Variants in CHURC1 observed in about 807,000 individuals in gnomAD.
The protein encoded by CHURC1 is protein Churchill.
Under a neutral mutation model 15.4 loss-of-function variants are expected in CHURC1, and 12 were observed. That is an observed-to-expected ratio of 0.78 (90% confidence interval 0.50 to 1.27). The LOEUF is 1.27. CHURC1 is among the 50% of genes most tolerant of loss of function. The pLI is 0.00. For synonymous variants in CHURC1, 42 were observed against 47.5 expected (o/e 0.88, Z 0.48); for missense variants, 132 against 137.8 (o/e 0.96, Z 0.21).
In CHURC1 at chr14:64,932,613, G is replaced by T; in HGVS notation, c.*383G>T. 3.6e-6 allele frequency: 1 copy of T among 275,462 alleles called. No homozygotes were observed. The allele number at this position is 275,462 out of a possible 1,614,324, so 17.1% of individuals were successfully genotyped here. On this transcript the variant is annotated 3_prime_UTR_variant, in exon 4 of 4. Coordinates refer to ENST00000549115, the MANE Select transcript of CHURC1 (RefSeq NM_001386928.1). The stretch of plus-strand genomic sequence containing the variant: ...GTACAAGATGAGCCTAGAGTATCTT[G>T]TGCCACAGAAAAATGAAGTACTGAA...
At chr14:64,917,936 A>C (rs1884006146) in intron 1 of CHURC1, among the ~76,000 whole-genome samples, 2 of 152,196 alleles carry the variant, frequency 1.3e-5, no homozygotes. Context: ...TGAGGTTGAG[A>C]ATATCCGAAG....
chr14:64,928,274 G>T (rs1346286997), intron 3 of CHURC1, among the ~76,000 whole-genome samples: 1 of 151,970 alleles, frequency 6.6e-6, no homozygotes, highest in Non-Finnish European at 1.5e-5. Flanking sequence ...TTGCAACAAG[G>T]TCTTACTCTG....
intron 1 of CHURC1, among the ~76,000 whole-genome samples, chr14:64,921,299 T>G (rs2139888544): frequency 6.6e-6 from 1 of 152,202 alleles, no homozygotes; most frequent in African/African-American, 2.4e-5. Context: ...CAGAGATGTC[T>G]TAGGAGAAAA....
At chr14:64,930,452 A>G (rs1566831877) in intron 3 of CHURC1, among the ~76,000 whole-genome samples, 1 of 152,238 alleles carries the variant, frequency 6.6e-6, no homozygotes, top group South Asian at 2.1e-4. Context: ...CCTAACCGCC[A>G]TGTATGACAT....
intron 1 of CHURC1, among the ~76,000 whole-genome samples, chr14:64,916,779 C>T (rs1170430505): frequency 6.6e-6 from 1 of 152,038 alleles, no homozygotes; most frequent in Non-Finnish European, 1.5e-5. Flanking sequence ...AGGGTTTCGC[C>T]TTGTTAGCCA....
Position 64,923,588 on chromosome 14 carries a change from C to T in CHURC1, c.40-403C>T, listed in dbSNP as rs939381916. Among the ~76,000 whole-genome samples, 3 of 151,986 alleles carry T rather than the reference C, an allele frequency of 2.0e-5. No individual in the cohort carries two copies. The South Asian group carries it at 6.2e-4, about 31-fold the overall frequency. On this transcript the variant is annotated intron_variant, in intron 1 of 3. Transcript: ENST00000549115. ...ATCATCTTTATCATTGACTCAGTTT[C>T]TATTTTGATTGAATTTAATTTTAGT...
Position 64,925,999 on chromosome 14 carries a change from T to A in CHURC1, c.176-11T>A. On this transcript the variant is annotated splice_polypyrimidine_tract_variant and intron_variant, in intron 2 of 3. Coordinates refer to ENST00000549115, the MANE Select transcript of CHURC1 (RefSeq NM_001386928.1). The stretch of plus-strand genomic sequence containing the variant: ...AGACTTAATTACGTAAGTCTCTCTT[T>A]GTTTTAGCAGATTTGTGTAAGAATT... 1 of 1,589,524 alleles carries A rather than the reference T, an allele frequency of 6.3e-7. No homozygotes were observed. Among genetic ancestry groups the A allele is most frequent in the Non-Finnish European group, 8.6e-7 (1 of 1,169,412 alleles).
intron 3 of CHURC1, among the ~76,000 whole-genome samples, chr14:64,931,139 T>A (rs55983720): frequency 0.15 from 23,568 of 152,206 alleles, 4,098 homozygotes; most frequent in East Asian, 0.5. Flanking sequence ...CATAGATGTT[T>A]GTTTTTGTAC....
At chr14:64,930,034 G>A (rs1884992074) in intron 3 of CHURC1, among the ~76,000 whole-genome samples, 1 of 151,452 alleles carries the variant, frequency 6.6e-6, no homozygotes, top group Non-Finnish European at 1.5e-5. Context: ...GGCCAGGGAA[G>A]GAGAAGACTT....
Position 64,914,705 on chromosome 14 carries a change from C to T in CHURC1, c.39+171C>T, listed in dbSNP as rs559502881. On this transcript the variant is annotated intron_variant, in intron 1 of 3. Transcript: ENST00000549115. ...AGGGATGGCCTGTGGCGGTCTGCAC[C>T]TCTGGTACCCGCCCTGGCGGCTGAC... 9.2e-5 allele frequency among the ~76,000 whole-genome samples: 14 copies of T among 152,368 alleles called. No homozygotes were observed. In the South Asian group the frequency reaches 2.5e-3, roughly 27 times the overall value.
rs1395727353 is a variant in CHURC1 at position 64,934,798 on chromosome 14, A to G, written c.*2568A>G. ...TTGAAGCCCAAGAGTCTAATTTTAT[A>G]TGCCCTGCCAATGTCCTCATCTATT... is the stretch of plus-strand genomic sequence containing the variant. On this transcript the variant is annotated 3_prime_UTR_variant, in exon 4 of 4. Coordinates refer to ENST00000549115, the MANE Select transcript of CHURC1 (RefSeq NM_001386928.1). The G allele has an allele frequency of 1.0e-6, 1 of 985,416 alleles. No individual in the cohort carries two copies. Among genetic ancestry groups the G allele is most frequent in the Non-Finnish European group, 1.2e-6 (1 of 829,930 alleles). The allele number at this position is 985,416 out of a possible 1,614,324, so 61.0% of individuals were successfully genotyped here.
At chr14:64,926,491 T>C (rs1401005377) in intron 3 of CHURC1, among the ~76,000 whole-genome samples, 6 of 152,250 alleles carry the variant, frequency 3.9e-5, no homozygotes, top group East Asian at 1.9e-4. Flanking sequence ...TTATAAAGAA[T>C]AGTAGCACAT....
chr14:64,927,732 T>TCCCC (rs1566830855), intron 3 of CHURC1, among the ~76,000 whole-genome samples: 4 of 106,730 alleles, frequency 3.7e-5, no homozygotes, highest in Non-Finnish European at 5.7e-5. Context: ...CCCCCCGCCG[T>TCCCC]CAATTCATAC....
At chr14:64,917,432 A>C (rs1462276368) in intron 1 of CHURC1, among the ~76,000 whole-genome samples, 1 of 151,532 alleles carries the variant, frequency 6.6e-6, no homozygotes, top group Non-Finnish European at 1.5e-5. Context: ...GTGTGGTGGG[A>C]GGCGCCTGTA....
At chr14:64,916,713 G>A (rs1883906270) in intron 1 of CHURC1, among the ~76,000 whole-genome samples, 1 of 152,036 alleles carries the variant, frequency 6.6e-6, no homozygotes, top group East Asian at 1.9e-4. Flanking sequence ...GAGTAGCTCG[G>A]ACTGCAGGTG....
chr14:64,915,457 TC>T (rs202245498), intron 1 of CHURC1, among the ~76,000 whole-genome samples: 1,980 of 152,286 alleles, frequency 0.013, 38 homozygotes, highest in African/African-American at 0.045. Context: ...AGTGCTGTTC[TC>T]CCCTGAGAAA....
At chr14:64,918,719 A>G (rs72726297) in intron 1 of CHURC1, among the ~76,000 whole-genome samples, 6,046 of 152,210 alleles carry the variant, frequency 0.04, 187 homozygotes, top group Non-Finnish European at 0.056. Flanking sequence ...AGTTCCACCT[A>G]CTTGGGAAGA....
In CHURC1 at chr14:64,933,298, G is replaced by GA. The variant is rs1182740823; in HGVS notation, c.*1075dup. ...TACATGGAATTATATACCACGAAAA[G>GA]AAAAAAAGGTCATTTGGTAGAAACT... is the stretch of plus-strand genomic sequence containing the variant. On this transcript the variant is annotated 3_prime_UTR_variant, in exon 4 of 4. Coordinates refer to ENST00000549115, the MANE Select transcript of CHURC1 (RefSeq NM_001386928.1). 3.3e-6 allele frequency: 3 copies of GA among 896,490 alleles called. No individual in the cohort carries two copies. The highest frequency in any genetic ancestry group is 2.4e-4 in the East Asian group (2 of 8,350). 55.5% of individuals were successfully genotyped at this position (896,490 alleles called of 1,614,324 possible).
chr14:64,923,327 C>CT (rs1884456253), intron 1 of CHURC1, among the ~76,000 whole-genome samples: 1 of 145,478 alleles, frequency 6.9e-6, no homozygotes, highest in African/African-American at 2.6e-5. Context: ...TTTAGAATTT[C>CT]TTTTTTAAAA....
Sources: allele counts gnomAD v4.1 joint callset (sites outside exome capture counted in the v4.1 genomes callset), GRCh38; gene constraint gnomAD v4.1.1; transcripts MANE v1.5; gene names NCBI Gene and HGNC (gene_info 2026-07-23, HGNC 2026-07-21).